The following RIMS2 variants were observed in gnomAD, a reference collection of about 807,000 sequenced individuals.
RIMS2 encodes regulating synaptic membrane exocytosis protein 2.
In RIMS2, 59 loss-of-function variants were observed where a neutral mutation model predicts 174.4. The observed-to-expected ratio is 0.34, with a 90% CI of 0.27 to 0.42. The LOEUF is 0.42. Among genes scored for constraint, RIMS2 ranks in the 10% least tolerant of loss-of-function variants. The probability of loss-of-function intolerance (pLI) is 1.00; values close to 1 mark genes in which losing one functional copy is unlikely to be tolerated. For synonymous variants in RIMS2, 606 were observed against 572.5 expected (o/e 1.06, Z -0.84); for missense variants, 1,620 against 1,666.3 (o/e 0.97, Z 0.48).
At chr8:103,788,963 T>C (rs1420062065) in intron 3 of RIMS2, among the ~76,000 whole-genome samples, 3 of 152,352 alleles carry the variant, frequency 2.0e-5, no homozygotes, top group Admixed American at 1.3e-4. Context: ...GTGCGGGATA[T>C]AATCTCGTGG....
At chr8:103,834,985 G>A (rs1241613755) in intron 3 of RIMS2, among the ~76,000 whole-genome samples, 1 of 151,662 alleles carries the variant, frequency 6.6e-6, no homozygotes, top group East Asian at 1.9e-4. Context: ...TGTCCAGGCG[G>A]GTCTTGAACT....
At chr8:104,252,257 G>A (rs1199528104), downstream of RIMS2, 4 of 169,428 alleles carry the variant, frequency 2.4e-5, no homozygotes, top group Non-Finnish European at 5.1e-5. Flanking sequence ...TGTAATCCTA[G>A]GAAGCATCAG....
At chr8:103,893,859 T>C (rs1353594005) in intron 4 of RIMS2, among the ~76,000 whole-genome samples, 1 of 152,088 alleles carries the variant, frequency 6.6e-6, no homozygotes, top group Non-Finnish European at 1.5e-5. Context: ...AGTGACTTGT[T>C]TGTAACTCCA....
intron 4 of RIMS2, among the ~76,000 whole-genome samples, chr8:103,893,830 C>T (rs2099261947): frequency 1.3e-5 from 2 of 152,014 alleles, no homozygotes; most frequent in South Asian, 4.1e-4. Flanking sequence ...TGCAGTGCTG[C>T]TCAGCAACTA....
intron 1 of RIMS2, among the ~76,000 whole-genome samples, chr8:103,596,086 CAT>C (rs1195850395): frequency 6.6e-6 from 1 of 152,042 alleles, no homozygotes; most frequent in East Asian, 1.9e-4. Flanking sequence ...AACTTATTTT[CAT>C]ATCTTTTTCT....
chr8:104,038,187 A>T (rs919023129), intron 19 of RIMS2, among the ~76,000 whole-genome samples: 6 of 152,016 alleles, frequency 3.9e-5, no homozygotes, highest in Non-Finnish European at 8.8e-5. Context: ...AATTTACCGT[A>T]AGTGATGAAA....
At chr8:103,818,428 G>A (rs998202584) in intron 3 of RIMS2, among the ~76,000 whole-genome samples, 1 of 152,154 alleles carries the variant, frequency 6.6e-6, no homozygotes, top group Non-Finnish European at 1.5e-5. Flanking sequence ...TAACCTAAAT[G>A]TTTATCAGAA....
intron 19 of RIMS2, among the ~76,000 whole-genome samples, chr8:104,120,696 C>G (rs920043808): frequency 2.0e-5 from 3 of 152,080 alleles, no homozygotes; most frequent in Admixed American, 6.5e-5. Flanking sequence ...AAAAAATGAT[C>G]TTACAACAGG....
Position 103,864,784 on chromosome 8 carries a change from G to A in RIMS2, c.699-20514G>A, listed in dbSNP as rs916179035. On this transcript the variant is annotated intron_variant, in intron 3 of 23. Transcript: ENST00000504942. ...CATACAACTAACAGTCATAGAGTTA[G>A]AGCACTAACAGTCACAGAGTATCAA... Among the ~76,000 whole-genome samples, 4 of 152,196 alleles carry A rather than the reference G, an allele frequency of 2.6e-5. No homozygotes were observed. The East Asian group carries it at 7.7e-4, about 29-fold the overall frequency.
chr8:103,580,991 AG>A (rs2093585913), intron 1 of RIMS2, among the ~76,000 whole-genome samples: 1 of 151,856 alleles, frequency 6.6e-6, no homozygotes, highest in South Asian at 2.1e-4. Flanking sequence ...CACCACGTCC[AG>A]CTAATTTTTT....
chr8:104,061,717 A>G (rs1275695188), intron 19 of RIMS2, among the ~76,000 whole-genome samples: 1 of 151,538 alleles, frequency 6.6e-6, no homozygotes, highest in Non-Finnish European at 1.5e-5. Flanking sequence ...ATTGCAATAT[A>G]TTTATAGTAT....
At position 104,032,533 on chromosome 8, in the gene RIMS2, T is replaced by A. The variant is rs116561676; in HGVS notation, c.3334+17918T>A. On this transcript the variant is annotated intron_variant, in intron 19 of 23. Coordinates refer to ENST00000504942, the Ensembl canonical transcript of RIMS2. Reference sequence around the variant, plus strand: ...GAACACTAGGCGTAAATGGATTAAGTAGAAGACAAAACTTGAACCAAGAAT... The same window carrying A: ...GAACACTAGGCGTAAATGGATTAAGAAGAAGACAAAACTTGAACCAAGAAT... 9.6e-3 allele frequency among the ~76,000 whole-genome samples: 1,460 copies of A among 152,046 alleles called. 24 individuals are homozygous for A. Among genetic ancestry groups the A allele is most frequent in the African/African-American group, 0.033 (1,371 of 41,524 alleles).
intron 14 of RIMS2, among the ~76,000 whole-genome samples, chr8:103,946,662 C>T (rs1399038396): frequency 1.3e-5 from 2 of 151,868 alleles, no homozygotes; most frequent in African/African-American, 2.4e-5. Context: ...ATTAGAACAC[C>T]CAGTATTATT....
intron 19 of RIMS2, among the ~76,000 whole-genome samples, chr8:104,043,136 C>A (rs1272064083): frequency 1.3e-5 from 2 of 151,304 alleles, no homozygotes; most frequent in African/African-American, 2.4e-5. Context: ...ATGATCTTTG[C>A]CTTATTGATT....
At chr8:104,170,397 C>T (rs908599981) in intron 19 of RIMS2, among the ~76,000 whole-genome samples, 5 of 152,024 alleles carry the variant, frequency 3.3e-5, no homozygotes, top group Admixed American at 2.0e-4. Context: ...TCCTGTTGAA[C>T]TAATCCATTT....
intron 1 of RIMS2, among the ~76,000 whole-genome samples, chr8:103,563,405 ATGCTGCGTCTCTT>A (rs1449622714): frequency 6.6e-6 from 1 of 152,154 alleles, no homozygotes; most frequent in Non-Finnish European, 1.5e-5. Context: ...CAGGGGTAAA[ATGCTGCGTCTCTT>A]TGCTAAAACA....
chr8:103,607,873 T>C (rs1199180642), intron 1 of RIMS2, among the ~76,000 whole-genome samples: 3 of 134,344 alleles, frequency 2.2e-5, no homozygotes, highest in East Asian at 2.0e-4. Context: ...AGCACTTCTC[T>C]GTATTGGTTA....
intron 4 of RIMS2, among the ~76,000 whole-genome samples, chr8:103,899,276 A>G (rs562119093): frequency 6.6e-6 from 1 of 151,880 alleles, no homozygotes; most frequent in African/African-American, 2.4e-5. Flanking sequence ...TTCTAGTTCT[A>G]GATCCCTGAG....
exon 10 of RIMS2, chr8:103,921,729 C>A: frequency 6.3e-7 from 1 of 1,580,342 alleles, no homozygotes; most frequent in Non-Finnish European, 8.7e-7. Flanking sequence ...GTTACCTCTC[C>A]CATGAGTCCT....
Sources: gnomAD v4.1 joint callset for allele counts (sites outside exome capture counted in the v4.1 genomes callset) on GRCh38, gnomAD v4.1.1 for gene constraint, MANE v1.5 for transcripts, NCBI Gene and HGNC (gene_info 2026-07-23, HGNC 2026-07-21) for gene names.